The following ATE1 variants were observed in gnomAD, a reference collection of about 807,000 sequenced individuals.
The protein encoded by ATE1 is arginyltransferase 1.
In ATE1, 36 loss-of-function variants were observed where a neutral mutation model predicts 70.5. The observed-to-expected ratio is 0.51, with a 90% CI of 0.39 to 0.67. The LOEUF (loss-of-function observed/expected upper bound fraction) is 0.67. Ranked by LOEUF, ATE1 falls within the 30% of genes least tolerant of loss-of-function variation. The pLI, the probability that ATE1 is intolerant of heterozygous loss-of-function variation, is 0.00. For missense variants in ATE1, 593 were observed against 629.5 expected, an observed-to-expected ratio of 0.94 and a Z score of 0.62; for synonymous variants, 232 against 219.3, an observed-to-expected ratio of 1.06 and a Z score of -0.51.
At chr10:121,810,702 A>T (rs1947284721) in intron 10 of ATE1, among the ~76,000 whole-genome samples, 1 of 149,550 alleles carries the variant, frequency 6.7e-6, no homozygotes, top group Non-Finnish European at 1.5e-5. Context: ...CTTAAAACAA[A>T]TTTTTTTTTG....
At chr10:121,862,554 T>C (rs959618496) in intron 8 of ATE1, among the ~76,000 whole-genome samples, 1 of 145,998 alleles carries the variant, frequency 6.8e-6, no homozygotes, top group African/African-American at 2.6e-5. Context: ...TTTTTTTTTT[T>C]GTAGAGACGT....
intron 10 of ATE1, among the ~76,000 whole-genome samples, chr10:121,804,752 C>T (rs1205845585): frequency 7.4e-5 from 11 of 148,226 alleles, no homozygotes; most frequent in Non-Finnish European, 1.5e-4. Context: ...ACTATAAGCT[C>T]GTAAGTCTGA....
intron 2 of ATE1, among the ~76,000 whole-genome samples, chr10:121,923,541 T>C (rs1351152591): frequency 3.9e-5 from 6 of 152,214 alleles, no homozygotes; most frequent in African/African-American, 1.4e-4. Context: ...ATCTGACCTA[T>C]GTCTACCTTT....
chr10:121,836,888 T>C (rs2133753221), intron 9 of ATE1, 71 bp from the exon 10 acceptor site: 1 of 952,230 alleles, frequency 1.1e-6, no homozygotes. Flanking sequence ...CTGTGTAATT[T>C]GATGGTAAAC....
intron 10 of ATE1, among the ~76,000 whole-genome samples, chr10:121,798,079 G>A (rs908508209): frequency 6.6e-6 from 1 of 152,174 alleles, no homozygotes; most frequent in Admixed American, 6.5e-5. Flanking sequence ...TCTAAACAGT[G>A]GACATTACTT....
At chr10:121,928,382 C>A, upstream of ATE1, 1 of 1,533,050 alleles carries the variant, frequency 6.5e-7, no homozygotes, top group Non-Finnish European at 8.8e-7. Flanking sequence ...ATCGCAGTAG[C>A]CGCAGTGGTA....
At chr10:121,746,794 T>C (rs1472839523) in intron 11 of ATE1, among the ~76,000 whole-genome samples, 3 of 152,230 alleles carry the variant, frequency 2.0e-5, no homozygotes, top group African/African-American at 7.2e-5. Context: ...TCAACAGTCG[T>C]TGCTTTCTCT....
rs1033078173 is a variant in ATE1 at position 121,874,923 on chromosome 10, G to A, written c.943-4885C>T. On this transcript the variant is annotated intron_variant, in intron 7 of 11. Coordinates refer to ENST00000224652, the MANE Select transcript of ATE1 (RefSeq NM_001001976.3). ...TGGGAGGCCAAGGCGGGTGGATCACGAGGTCAGGAGATCGAGACCATCCTG... is the reference window on the plus strand; with the variant it reads ...TGGGAGGCCAAGGCGGGTGGATCACAAGGTCAGGAGATCGAGACCATCCTG... Among the ~76,000 whole-genome samples the A allele has an allele frequency of 1.5e-4, 23 of 151,282 alleles. 1 individual carries two copies. The highest frequency in any genetic ancestry group is 3.1e-4 in the Non-Finnish European group (21 of 67,834).
At chr10:121,891,323 A>G (rs1311420144) in intron 7 of ATE1, among the ~76,000 whole-genome samples, 1 of 152,128 alleles carries the variant, frequency 6.6e-6, no homozygotes, top group Non-Finnish European at 1.5e-5. Flanking sequence ...GGCCTCCACC[A>G]GGTGGTGGCC....
At position 121,910,912 on chromosome 10, in the gene ATE1, T is replaced by G; in HGVS notation, c.577A>C (p.Lys193Gln). Reference protein sequence around the residue: ...SHSVKVHTVPKPGKGADLSKP... With the variant: ...SHSVKVHTVPQPGKGADLSKP... ...TATCAAAAATCTTTACTACCTGGCTTAGGAACTGTGTGAACTTTAACTGAA... is the reference window on the plus strand; with the variant it reads ...TATCAAAAATCTTTACTACCTGGCTGAGGAACTGTGTGAACTTTAACTGAA... The change falls in exon 5 of 12, where the codon AAG becomes CAG. Residue 193 changes from lysine (K) to glutamine (Q), a missense_variant. This residue lies in a region of ATE1 where 467 missense variants were observed against 469.6 expected (regional missense o/e 0.99). Transcript: ENST00000224652. 1 of 1,613,254 alleles carries G rather than the reference T, an allele frequency of 6.2e-7. No individual in the cohort carries two copies. The highest frequency in any genetic ancestry group is 8.5e-7 in the Non-Finnish European group (1 of 1,179,882).
intron 10 of ATE1, among the ~76,000 whole-genome samples, chr10:121,808,389 A>C (rs1265764049): frequency 6.6e-6 from 1 of 152,214 alleles, no homozygotes; most frequent in Non-Finnish European, 1.5e-5. Flanking sequence ...TTACAGCTCA[A>C]GCAACAGGAA....
At chr10:121,781,707 CT>C (rs1177753266) in intron 11 of ATE1, among the ~76,000 whole-genome samples, 2 of 152,200 alleles carry the variant, frequency 1.3e-5, no homozygotes, top group African/African-American at 4.8e-5. Context: ...GTGCTCAGAA[CT>C]TTACTATGGT....
intron 7 of ATE1, among the ~76,000 whole-genome samples, chr10:121,886,136 A>T (rs1950389824): frequency 6.6e-6 from 1 of 152,014 alleles, no homozygotes; most frequent in Non-Finnish European, 1.5e-5. Context: ...CACATAAGTG[A>T]TACTCAACCT....
intron 11 of ATE1, among the ~76,000 whole-genome samples, chr10:121,770,233 A>AACACACACAC (rs3036837): frequency 0.078 from 10,709 of 136,752 alleles, 513 homozygotes; most frequent in Middle Eastern, 0.11. Context: ...ACAAGAGAGA[A>AACACACACAC]ACACACACAC....
At chr10:121,779,741 C>G (rs1197446138) in intron 11 of ATE1, among the ~76,000 whole-genome samples, 1 of 152,202 alleles carries the variant, frequency 6.6e-6, no homozygotes, top group Non-Finnish European at 1.5e-5. Flanking sequence ...TAGCCAGTGT[C>G]TTCAAAATCA....
Position 121,847,532 on chromosome 10 carries a change from G to A in ATE1, c.976-6269C>T, listed in dbSNP as rs142445921. On this transcript the variant is annotated intron_variant, in intron 8 of 11. Transcript: ENST00000224652. ...TTGCAGCACTTTGGAGGCCAAGGTG[G>A]GCAGATCACGAGCTCAGGAGATCAA... Among the ~76,000 whole-genome samples, 239 of 151,908 alleles carry A rather than the reference G, an allele frequency of 1.6e-3. 1 individual carries two copies. Among genetic ancestry groups the A allele is most frequent in the African/African-American group, 5.5e-3 (226 of 41,398 alleles).
In ATE1 at chr10:121,900,000, G is replaced by A. The variant is rs200592546; in HGVS notation, c.814-6C>T. On this transcript the variant is annotated splice_polypyrimidine_tract_variant and splice_region_variant and intron_variant, in intron 6 of 11. Transcript: ENST00000224652. ...GATGATCTCACCACCCTCACCTTCAGAAGCAGTTAAAAAAACAAGTTTACT... is the reference window on the plus strand; with the variant it reads ...GATGATCTCACCACCCTCACCTTCAAAAGCAGTTAAAAAAACAAGTTTACT... 4.3e-6 allele frequency: 7 copies of A among 1,611,216 alleles called. No individual in the cohort carries two copies. In the Admixed American group the frequency reaches 5.0e-5, roughly 12 times the overall value.
intron 8 of ATE1, among the ~76,000 whole-genome samples, chr10:121,842,617 A>C (rs767432673): frequency 6.6e-6 from 1 of 152,206 alleles, no homozygotes; most frequent in Non-Finnish European, 1.5e-5. Flanking sequence ...TATAAAAAGA[A>C]TTATACCATG....
At chr10:121,826,735 C>G (rs1435384454) in intron 10 of ATE1, among the ~76,000 whole-genome samples, 1 of 152,136 alleles carries the variant, frequency 6.6e-6, no homozygotes, top group African/African-American at 2.4e-5. Flanking sequence ...CGCACAGCAC[C>G]CAACAGGTAG....
Sources: allele counts gnomAD v4.1 joint callset (sites outside exome capture counted in the v4.1 genomes callset), GRCh38; gene constraint gnomAD v4.1.1; regional missense constraint gnomAD v4.1.1; transcripts MANE v1.5; gene names NCBI Gene and HGNC (gene_info 2026-07-23, HGNC 2026-07-21).